The following BICC1 variants were observed in gnomAD, a reference collection of about 807,000 sequenced individuals.
The protein encoded by BICC1 is BicC family RNA binding protein 1.
A neutral mutation model predicts 111.0 loss-of-function variants in BICC1; 43 were observed. That is an observed-to-expected ratio of 0.39 (90% CI 0.30 to 0.50). The LOEUF (loss-of-function observed/expected upper bound fraction) is 0.50, where lower values mean the gene tolerates loss of function less well. Among genes scored for constraint, BICC1 ranks in the 20% least tolerant of loss-of-function variants. The pLI, the probability that BICC1 is intolerant of heterozygous loss-of-function variation, is 0.88. For synonymous variants in BICC1, 467 were observed against 434.4 expected (o/e 1.07, Z -0.93); for missense variants, 1,091 against 1,203.2 (o/e 0.91, Z 1.38).
chr10:58,554,419 T>C (rs890149497), intron 1 of BICC1, among the ~76,000 whole-genome samples: 1 of 152,188 alleles, frequency 6.6e-6, no homozygotes, highest in African/African-American at 2.4e-5. Context: ...GCTGTAGTTA[T>C]GTAATTTTTA....
rs78618378 is a variant in BICC1 at position 58,531,516 on chromosome 10, T to C, written c.190+18183T>C. Among the ~76,000 whole-genome samples, 774 of 151,554 alleles carry C rather than the reference T, an allele frequency of 5.1e-3. 3 individuals are homozygous for C. The highest frequency in any genetic ancestry group is 0.018 in the African/African-American group (738 of 41,346). On this transcript the variant is annotated intron_variant, in intron 1 of 20. Coordinates refer to ENST00000373886, the MANE Select transcript of BICC1 (RefSeq NM_001080512.3). The stretch of plus-strand genomic sequence containing the variant: ...TTCAAATACAAAAATTACAACAAAA[T>C]ATAAGGCACACAAACAGGGAAAATA...
intron 1 of BICC1, among the ~76,000 whole-genome samples, chr10:58,608,071 C>T (rs993595972): frequency 1.3e-5 from 2 of 152,132 alleles, no homozygotes; most frequent in Admixed American, 1.3e-4. Flanking sequence ...CTAAAAGAAA[C>T]AATATATGGG....
chr10:58,516,495 G>GT (rs11376072), intron 1 of BICC1, among the ~76,000 whole-genome samples: 81,890 of 151,716 alleles, frequency 0.54, 23,165 homozygotes, highest in African/African-American at 0.71. Context: ...TTTTTTCATG[G>GT]TTTTTTACTG....
chr10:58,749,837 C>A (rs776565067), intron 3 of BICC1, among the ~76,000 whole-genome samples: 2 of 152,014 alleles, frequency 1.3e-5, no homozygotes, highest in African/African-American at 4.8e-5. Context: ...TAAAAATAAT[C>A]AAAAATGAAA....
intron 3 of BICC1, among the ~76,000 whole-genome samples, chr10:58,722,517 A>G (rs1840971184): frequency 1.3e-5 from 2 of 152,258 alleles, no homozygotes; most frequent in Non-Finnish European, 2.9e-5. Context: ...TAATAAAATA[A>G]TAAAACATTT....
At chr10:58,576,392 TTAC>T (rs1844112236) in intron 1 of BICC1, among the ~76,000 whole-genome samples, 1 of 151,964 alleles carries the variant, frequency 6.6e-6, no homozygotes, top group South Asian at 2.1e-4. Flanking sequence ...CCTTTTCAAG[TTAC>T]TACAAGAATT....
At chr10:58,775,306 G>A (rs1220971032) in intron 3 of BICC1, among the ~76,000 whole-genome samples, 1 of 151,936 alleles carries the variant, frequency 6.6e-6, no homozygotes, top group Non-Finnish European at 1.5e-5. Context: ...TCTGGGAGGT[G>A]GAAGTTGCAG....
chr10:58,617,379 A>G (rs957880524), intron 1 of BICC1, among the ~76,000 whole-genome samples: 1 of 152,172 alleles, frequency 6.6e-6, no homozygotes, highest in Non-Finnish European at 1.5e-5. Context: ...AGTACACTGA[A>G]TACAAGTCCC....
intron 2 of BICC1, among the ~76,000 whole-genome samples, chr10:58,638,550 T>C (rs905945782): frequency 6.6e-6 from 1 of 152,200 alleles, no homozygotes; most frequent in African/African-American, 2.4e-5. Context: ...TAGACACTGG[T>C]CTACACATGG....
chr10:58,548,326 A>G (rs1589086167), intron 1 of BICC1, among the ~76,000 whole-genome samples: 2 of 152,318 alleles, frequency 1.3e-5, no homozygotes, highest in Admixed American at 6.5e-5. Flanking sequence ...AGTTTTATCC[A>G]CAGAGCTTAT....
chr10:58,670,740 G>T (rs1042816175), intron 2 of BICC1, among the ~76,000 whole-genome samples: 2 of 152,156 alleles, frequency 1.3e-5, no homozygotes, highest in African/African-American at 2.4e-5. Context: ...TACCTAGCAA[G>T]TAAAAGACTT....
rs1458119357 is a variant in BICC1, at chr10:58,584,193, A to AT, written c.191-36658dup. Reference sequence around the variant, plus strand: ...TATTTCTTAATGATATCTCAACCAGATTTTATAGCTTTCCTTTATCGTTTC... The same window carrying AT: ...TATTTCTTAATGATATCTCAACCAGATTTTTATAGCTTTCCTTTATCGTTTC... On this transcript the variant is annotated intron_variant, in intron 1 of 20. Transcript: ENST00000373886. Among the ~76,000 whole-genome samples the AT allele has an allele frequency of 1.4e-4, 21 of 152,154 alleles. 1 individual carries two copies. In the South Asian group the frequency reaches 1.9e-3, roughly 14 times the overall value.
chr10:58,597,519 A>G lies in BICC1; in HGVS notation c.191-23336A>G, dbSNP rs138534089. On this transcript the variant is annotated intron_variant, in intron 1 of 20. Transcript: ENST00000373886. ...TATTGTCTTGATAAACATCTTAAACAGCAGAAAACAGAGTTTGAGAGCAGA... is the reference window on the plus strand; with the variant it reads ...TATTGTCTTGATAAACATCTTAAACGGCAGAAAACAGAGTTTGAGAGCAGA... Among the ~76,000 whole-genome samples the G allele has an allele frequency of 4.4e-4, 67 of 152,276 alleles. 1 individual carries two copies. The East Asian group carries it at 0.012, about 28-fold the overall frequency.
intron 1 of BICC1, among the ~76,000 whole-genome samples, chr10:58,547,660 A>T: frequency 6.8e-6 from 1 of 146,804 alleles, no homozygotes; most frequent in East Asian, 2.1e-4. Context: ...CTCTGTGTAT[A>T]CATGCATGCA....
At chr10:58,779,453 A>G (rs1304994783) in intron 3 of BICC1, among the ~76,000 whole-genome samples, 1 of 152,250 alleles carries the variant, frequency 6.6e-6, no homozygotes, top group Non-Finnish European at 1.5e-5. Flanking sequence ...GATTTAGGCT[A>G]GTTTAAGCTT....
chr10:58,668,047 G>A (rs1182072572), intron 2 of BICC1, among the ~76,000 whole-genome samples: 3 of 151,976 alleles, frequency 2.0e-5, no homozygotes, highest in Non-Finnish European at 4.4e-5. Context: ...TTAAAAATTG[G>A]TAGTAAACAG....
At chr10:58,704,114 T>G (rs1328592244) in intron 3 of BICC1, among the ~76,000 whole-genome samples, 1 of 152,194 alleles carries the variant, frequency 6.6e-6, no homozygotes. Context: ...CACATTTTGA[T>G]TATATATTTT....
intron 3 of BICC1, among the ~76,000 whole-genome samples, chr10:58,752,746 G>C (rs933680256): frequency 2.0e-5 from 3 of 152,130 alleles, no homozygotes; most frequent in Non-Finnish European, 4.4e-5. Context: ...GTTACTTTGG[G>C]TATACAGCAT....
intron 3 of BICC1, among the ~76,000 whole-genome samples, chr10:58,734,597 G>T (rs1429035821): frequency 3.3e-5 from 5 of 152,104 alleles, no homozygotes; most frequent in Non-Finnish European, 7.4e-5. Flanking sequence ...CATAATTTTG[G>T]GGTTTTGAAA....
Sources: allele counts gnomAD v4.1 joint callset (sites outside exome capture counted in the v4.1 genomes callset), GRCh38; gene constraint gnomAD v4.1.1; transcripts MANE v1.5; gene names NCBI Gene and HGNC (gene_info 2026-07-23, HGNC 2026-07-21).